The following ABTB3 variants were observed in gnomAD, a reference collection of about 807,000 sequenced individuals.
The protein encoded by ABTB3 is ankyrin repeat and BTB domain containing 3, also known as ankyrin repeat- and BTB/POZ domain-containing protein 3.
At chr12:107,650,020 C>T in the ABTB3 span, 2 of 152,132 alleles carry the variant, frequency 1.3e-5, no homozygotes, top group Admixed American at 6.5e-5. Flanking sequence ...CCAATTAATC[C>T]TCAGCAAAAG....
the ABTB3 span, among the ~76,000 whole-genome samples, chr12:107,346,917 G>A: frequency 6.6e-6 from 1 of 152,186 alleles, no homozygotes; most frequent in South Asian, 2.1e-4. Context: ...AAACAGGGCA[G>A]GGCTTCCTAG....
At chr12:107,654,344 G>T in the ABTB3 span, among the ~76,000 whole-genome samples, 1 of 152,116 alleles carries the variant, frequency 6.6e-6, no homozygotes, top group Non-Finnish European at 1.5e-5. Flanking sequence ...TGTTACCCAG[G>T]CTGGAGTGCA....
chr12:107,410,721 G>C, the ABTB3 span, among the ~76,000 whole-genome samples: 2 of 152,202 alleles, frequency 1.3e-5, no homozygotes, highest in African/African-American at 4.8e-5. Flanking sequence ...TGAGCCCCTA[G>C]GTGAATGGAA....
chr12:107,619,273 C>T, the ABTB3 span, among the ~76,000 whole-genome samples: 2 of 151,660 alleles, frequency 1.3e-5, no homozygotes, highest in East Asian at 3.9e-4. Context: ...AAGACACGTC[C>T]TCCTCTGTCT....
At chr12:107,513,355 G>A in the ABTB3 span, among the ~76,000 whole-genome samples, 1 of 152,158 alleles carries the variant, frequency 6.6e-6, no homozygotes, top group African/African-American at 2.4e-5. Flanking sequence ...CATGTCAAGG[G>A]CGGGAGCAGG....
the ABTB3 span, among the ~76,000 whole-genome samples, chr12:107,549,459 C>A: frequency 8.5e-5 from 13 of 152,212 alleles, no homozygotes; most frequent in Admixed American, 2.0e-4. Context: ...CTACTCTGTT[C>A]TTTTCCTCTA....
chr12:107,658,262 A>G, the ABTB3 span: 1 of 153,842 alleles, frequency 6.5e-6, no homozygotes, highest in South Asian at 2.0e-4. Flanking sequence ...AGTTTAAAAT[A>G]TATTTCTAAA....
the ABTB3 span, among the ~76,000 whole-genome samples, chr12:107,635,898 A>T: frequency 9.1e-6 from 1 of 109,756 alleles, no homozygotes; most frequent in East Asian, 3.0e-4. Context: ...ACACACACAC[A>T]CTCCCATAAA....
the ABTB3 span, among the ~76,000 whole-genome samples, chr12:107,513,494 G>A: frequency 2.0e-4 from 30 of 152,206 alleles, no homozygotes; most frequent in Admixed American, 4.6e-4. Context: ...CTGTCCTGCC[G>A]CCCTGTGAAG....
the ABTB3 span, among the ~76,000 whole-genome samples, chr12:107,631,824 G>A: frequency 6.6e-6 from 1 of 152,212 alleles, no homozygotes. Flanking sequence ...ATCAAGGTGA[G>A]TTATCACTAT....
the ABTB3 span, among the ~76,000 whole-genome samples, chr12:107,398,029 G>A: frequency 1.3e-5 from 2 of 152,210 alleles, no homozygotes; most frequent in African/African-American, 4.8e-5. Context: ...AGGCTGCTAT[G>A]AGAACACACA....
chr12:107,387,342 G>A, the ABTB3 span, among the ~76,000 whole-genome samples: 1 of 152,184 alleles, frequency 6.6e-6, no homozygotes, highest in South Asian at 2.1e-4. Flanking sequence ...GCTCCTGCGG[G>A]TAAGTCTCTT....
At chr12:107,517,637 A>T in the ABTB3 span, among the ~76,000 whole-genome samples, 1 of 152,162 alleles carries the variant, frequency 6.6e-6, no homozygotes, top group African/African-American at 2.4e-5. Flanking sequence ...ACAGTTGTGA[A>T]TGGGAGTTCA....
chr12:107,463,544 G>A, the ABTB3 span, among the ~76,000 whole-genome samples: 1 of 152,160 alleles, frequency 6.6e-6, no homozygotes, highest in Non-Finnish European at 1.5e-5. Context: ...GCGGGGTTAA[G>A]CAACTTGACC....
At chr12:107,543,370 A>C in the ABTB3 span, among the ~76,000 whole-genome samples, 4 of 150,994 alleles carry the variant, frequency 2.6e-5, no homozygotes, top group Non-Finnish European at 5.9e-5. Context: ...GAAAAAAAAC[A>C]CGAAAAGTAC....
At chr12:107,642,028 T>C in the ABTB3 span, 270,630 of 1,501,668 alleles carry the variant, frequency 0.18, 26,751 homozygotes, top group African/African-American at 0.33. Context: ...AGAGCAGAGT[T>C]TTTTGTGAGC....
chr12:107,537,028 A>G, the ABTB3 span, among the ~76,000 whole-genome samples: 1 of 152,238 alleles, frequency 6.6e-6, no homozygotes, highest in African/African-American at 2.4e-5. Context: ...ATATTTATAC[A>G]ATGGAATACC....
the ABTB3 span, among the ~76,000 whole-genome samples, chr12:107,450,419 G>A: frequency 3.3e-5 from 5 of 152,070 alleles, no homozygotes; most frequent in African/African-American, 9.7e-5. Context: ...TCCATCCCTC[G>A]ATGGAGTGCA....
chr12:107,544,509 C>A, the ABTB3 span, among the ~76,000 whole-genome samples: 1,536 of 152,208 alleles, frequency 0.01, 14 homozygotes, highest in Middle Eastern at 0.044. Context: ...GCCCCAGGGC[C>A]CGGGATAACC....
Sources: allele counts gnomAD v4.1 joint callset (sites outside exome capture counted in the v4.1 genomes callset), GRCh38; gene constraint gnomAD v4.1.1; transcripts MANE v1.5; gene names NCBI Gene and HGNC (gene_info 2026-07-23, HGNC 2026-07-21).